NEMP2: variants seen among roughly 807,000 people sequenced by gnomAD.
The protein encoded by NEMP2 is nuclear envelope integral membrane protein 2.
A neutral mutation model predicts 54.2 loss-of-function variants in NEMP2; 53 were observed. That is an observed-to-expected ratio of 0.98 (90% CI 0.78 to 1.23). The LOEUF (loss-of-function observed/expected upper bound fraction) is 1.23. Among genes scored for constraint, NEMP2 ranks in the 50% most tolerant of loss-of-function variants. The probability of loss-of-function intolerance (pLI) is 0.00; values close to 1 mark genes in which losing one functional copy is unlikely to be tolerated. For synonymous variants in NEMP2, 197 were observed against 190.3 expected (o/e 1.04, Z -0.29); for missense variants, 455 against 511.3 (o/e 0.89, Z 1.06).
chr2:190,563,751 G>A, the NEMP2 span, among the ~76,000 whole-genome samples: 1 of 152,178 alleles, frequency 6.6e-6, no homozygotes, highest in African/African-American at 2.4e-5. This position sits in a 1 kb window ranked among gnomAD's most constrained non-coding sequence, Gnocchi z 4.3. Context: ...TAATGATGGT[G>A]TCTGAGCTAT....
chr2:190,626,453 C>G, the NEMP2 span: 1 of 151,142 alleles, frequency 6.6e-6, no homozygotes, highest in African/African-American at 2.4e-5. The surrounding 1 kb of genome is among the most constrained non-coding windows in gnomAD (Gnocchi z 4.5). Flanking sequence ...TTAAGAGTGT[C>G]GAGAGAGAGA....
chr2:190,618,909 G>T, the NEMP2 span, among the ~76,000 whole-genome samples: 6 of 152,262 alleles, frequency 3.9e-5, no homozygotes, highest in Admixed American at 1.3e-4. Flanking sequence ...TTGCATTATT[G>T]TGTCATCTGA....
the NEMP2 span, among the ~76,000 whole-genome samples, chr2:190,639,178 T>A: frequency 6.6e-6 from 1 of 151,962 alleles, no homozygotes; most frequent in Non-Finnish European, 1.5e-5. Context: ...ACACATTCAA[T>A]TTTTTTTGTA....
chr2:190,531,092 A>T lies in NEMP2; in HGVS notation c.97+3467T>A, dbSNP rs1691129024. Among the ~76,000 whole-genome samples, 1 of 152,356 alleles carries T rather than the reference A, an allele frequency of 6.6e-6. No homozygotes were observed. Among genetic ancestry groups the T allele is most frequent in the South Asian group, 2.1e-4 (1 of 4,830 alleles). ...ACAAAAACAACAACAATCCCCTTAC[A>T]ATGCAATCCAGGAAATGAAACAGAA... On this transcript the variant is annotated intron_variant, in intron 1 of 8. Transcript: ENST00000409150. The surrounding 1 kb of genome is among the most constrained non-coding windows in gnomAD (Gnocchi z 4.7).
chr2:190,572,086 G>GT, the NEMP2 span, among the ~76,000 whole-genome samples: 1 of 151,922 alleles, frequency 6.6e-6, no homozygotes, highest in Non-Finnish European at 1.5e-5. Flanking sequence ...TATTTTCTGG[G>GT]GTTTTTTTTA....
the NEMP2 span, among the ~76,000 whole-genome samples, chr2:190,484,685 C>A: frequency 2.6e-5 from 4 of 152,148 alleles, no homozygotes; most frequent in Non-Finnish European, 5.9e-5. Context: ...GCAGCTCCAC[C>A]ACTGTCTTTT....
chr2:190,480,645 G>A, the NEMP2 span, among the ~76,000 whole-genome samples: 1 of 152,154 alleles, frequency 6.6e-6, no homozygotes, highest in East Asian at 1.9e-4. Flanking sequence ...AAACCATAAA[G>A]TGCTAAGGCT....
chr2:190,634,870 A>C, the NEMP2 span, among the ~76,000 whole-genome samples: 2 of 152,208 alleles, frequency 1.3e-5, no homozygotes, highest in African/African-American at 4.8e-5. This position sits in a 1 kb window ranked among gnomAD's most constrained non-coding sequence, Gnocchi z 6.8. Context: ...GATCTTTGCA[A>C]GCAAACACTT....
chr2:190,630,655 G>T, the NEMP2 span, among the ~76,000 whole-genome samples: 40 of 152,062 alleles, frequency 2.6e-4, no homozygotes, highest in Admixed American at 2.4e-3. The surrounding 1 kb of genome is among the most constrained non-coding windows in gnomAD (Gnocchi z 5.5). Context: ...CATTGACCTG[G>T]TTAATTTCAT....
chr2:190,491,778 T>C, the NEMP2 span, among the ~76,000 whole-genome samples: 1 of 152,112 alleles, frequency 6.6e-6, no homozygotes, highest in Non-Finnish European at 1.5e-5. This position sits in a 1 kb window ranked among gnomAD's most constrained non-coding sequence, Gnocchi z 4.2. Flanking sequence ...AAAATCACAC[T>C]AGCACCAGCA....
chr2:190,592,602 C>T, the NEMP2 span, among the ~76,000 whole-genome samples: 1 of 152,120 alleles, frequency 6.6e-6, no homozygotes, highest in Admixed American at 6.5e-5. The surrounding 1 kb of genome is among the most constrained non-coding windows in gnomAD (Gnocchi z 4.4). Context: ...GTGTTTTCCC[C>T]ATATTTGATG....
chr2:190,540,879 AT>A, the NEMP2 span, among the ~76,000 whole-genome samples: 2,519 of 151,966 alleles, frequency 0.017, 69 homozygotes, highest in African/African-American at 0.057. Context: ...TTGATGGGAG[AT>A]TTTTTATTAT....
the NEMP2 span, chr2:190,477,243 A>G: frequency 2.0e-6 from 2 of 983,114 alleles, no homozygotes; most frequent in Non-Finnish European, 2.4e-6. Context: ...ACTGCAGGTA[A>G]GAATGATTCA....
the NEMP2 span, among the ~76,000 whole-genome samples, chr2:190,422,798 C>A: frequency 6.6e-6 from 1 of 151,730 alleles, no homozygotes; most frequent in Non-Finnish European, 1.5e-5. Flanking sequence ...TAATTTTTTT[C>A]TTTTCTTCCT....
the NEMP2 span, among the ~76,000 whole-genome samples, chr2:190,580,051 A>G: frequency 6.6e-6 from 1 of 152,274 alleles, no homozygotes; most frequent in Non-Finnish European, 1.5e-5. The surrounding 1 kb of genome is among the most constrained non-coding windows in gnomAD (Gnocchi z 5.3). Flanking sequence ...TGTACTTTGA[A>G]TCACGTGGGG....
At chr2:190,613,714 AG>A in the NEMP2 span, among the ~76,000 whole-genome samples, 4 of 152,078 alleles carry the variant, frequency 2.6e-5, no homozygotes, top group African/African-American at 9.7e-5. Context: ...CAGCCTCCCA[AG>A]TAGCTGGGAT....
chr2:190,555,327 A>G, the NEMP2 span, among the ~76,000 whole-genome samples: 1 of 152,112 alleles, frequency 6.6e-6, no homozygotes, highest in Non-Finnish European at 1.5e-5. This position sits in a 1 kb window ranked among gnomAD's most constrained non-coding sequence, Gnocchi z 4.8. Context: ...GAGTTTGACA[A>G]ATTGACAGAA....
the NEMP2 span, among the ~76,000 whole-genome samples, chr2:190,640,235 T>C: frequency 2.0e-5 from 3 of 152,194 alleles, no homozygotes; most frequent in Admixed American, 2.0e-4. Flanking sequence ...GTAATAAAAA[T>C]GTATAAACTT....
chr2:190,510,610 C>G lies in NEMP2; in HGVS notation c.954-73G>C. 1 of 1,483,952 alleles carries G rather than the reference C, an allele frequency of 6.7e-7. No homozygotes were observed. Among genetic ancestry groups the G allele is most frequent in the Non-Finnish European group, 9.2e-7 (1 of 1,092,134 alleles). The allele number at this position is 1,483,952 out of a possible 1,614,324, so 91.9% of individuals were successfully genotyped here. Reference sequence around the variant, plus strand: ...AAGATTTACAAAAATAGGCCAGGCTCGGTGGCTCACGCCTGTAATCCAGCA... The same window carrying G: ...AAGATTTACAAAAATAGGCCAGGCTGGGTGGCTCACGCCTGTAATCCAGCA... On this transcript the variant is annotated intron_variant, in intron 7 of 8. Transcript: ENST00000409150. The surrounding 1 kb of genome is among the most constrained non-coding windows in gnomAD (Gnocchi z 5.7).
Sources: allele counts gnomAD v4.1 joint callset (sites outside exome capture counted in the v4.1 genomes callset), GRCh38; gene constraint gnomAD v4.1.1; non-coding constraint Gnocchi (gnomAD v3.1); transcripts MANE v1.5; gene names NCBI Gene and HGNC (gene_info 2026-07-23, HGNC 2026-07-21).